Variants in ABLIM3 observed in about 807,000 individuals in gnomAD.
ABLIM3 encodes actin-binding LIM protein 3.
Under a neutral mutation model 109.5 loss-of-function variants are expected in ABLIM3, and 61 were observed. The ratio of observed to expected loss-of-function variants is 0.56; its 90% CI spans 0.45 to 0.69. The LOEUF (loss-of-function observed/expected upper bound fraction) is 0.69, where lower values mean the gene tolerates loss of function less well. ABLIM3 is among the 30% of genes least tolerant of loss of function. The probability of loss-of-function intolerance (pLI) is 0.00; values close to 1 mark genes in which losing one functional copy is unlikely to be tolerated. For missense variants in ABLIM3, 796 were observed against 889.5 expected (o/e 0.89, Z 1.34); for synonymous variants, 300 against 324.8 (o/e 0.92, Z 0.82).
intron 2 of ABLIM3, among the ~76,000 whole-genome samples, chr5:149,145,695 T>C (rs919484564): frequency 6.6e-6 from 1 of 152,238 alleles, no homozygotes; most frequent in Non-Finnish European, 1.5e-5. Context: ...CTGACTGGTG[T>C]GAGATGGTAT....
Position 149,183,455 on chromosome 5 carries a change from C to T in ABLIM3, c.17C>T (p.Pro6Leu). Residue 6 changes from proline to leucine, a missense_variant, in exon 3 of 24, where the codon CCT becomes CTT. Coordinates refer to ENST00000309868, the MANE Select transcript of ABLIM3 (RefSeq NM_014945.5). The stretch of plus-strand genomic sequence containing the variant: ...GATCTCTTTGTTTCTTTTACAGTTC[C>T]TTATCAGCAGAATCCTTACAATCCA... MNTSI[P>L]YQQNPYNPRG... is the part of the protein sequence containing the mutation. 6.4e-7 allele frequency: 1 copy of T among 1,550,984 alleles called. No individual in the cohort carries two copies.
intron 8 of ABLIM3, among the ~76,000 whole-genome samples, chr5:149,221,750 A>T (rs1760673711): frequency 6.6e-6 from 1 of 152,214 alleles, no homozygotes; most frequent in African/African-American, 2.4e-5. Flanking sequence ...ACTTATACTG[A>T]AATCCCAAAG....
At chr5:149,214,957 G>A (rs750897952) in intron 7 of ABLIM3, among the ~76,000 whole-genome samples, 36 of 152,128 alleles carry the variant, frequency 2.4e-4, no homozygotes, top group Non-Finnish European at 4.6e-4. Context: ...ATTTCAGTTC[G>A]TTAATAGACA....
intron 2 of ABLIM3, among the ~76,000 whole-genome samples, chr5:149,155,668 A>G (rs1753812604): frequency 1.3e-5 from 2 of 152,184 alleles, no homozygotes; most frequent in African/African-American, 4.8e-5. Flanking sequence ...ACACACCCTA[A>G]TGCACAATTC....
chr5:149,218,442 A>G (rs1340509870), intron 8 of ABLIM3: 1 of 152,290 alleles, frequency 6.6e-6, no homozygotes, highest in East Asian at 1.9e-4. Flanking sequence ...AAAAACATCC[A>G]GACCATAGCA....
At chr5:149,243,068 G>A (rs942045956) in intron 15 of ABLIM3, among the ~76,000 whole-genome samples, 1 of 152,210 alleles carries the variant, frequency 6.6e-6, no homozygotes, top group African/African-American at 2.4e-5. Flanking sequence ...AGATGTAGAT[G>A]AGTAAGGTTG....
At chr5:149,217,107 G>A (rs546780143) in intron 8 of ABLIM3, 61 bp downstream of exon 8, 22 of 1,460,656 alleles carry the variant, frequency 1.5e-5, no homozygotes, top group South Asian at 8.1e-5. Context: ...AAGGAGATGC[G>A]ATCTTCAGGT....
chr5:149,150,258 G>C (rs1753307765), intron 2 of ABLIM3, among the ~76,000 whole-genome samples: 1 of 152,172 alleles, frequency 6.6e-6, no homozygotes, highest in South Asian at 2.1e-4. Flanking sequence ...CCATTGCCCA[G>C]ATCAAGAAAT....
chr5:149,169,549 C>T (rs1022749418), intron 2 of ABLIM3, among the ~76,000 whole-genome samples: 1 of 152,170 alleles, frequency 6.6e-6, no homozygotes, highest in Non-Finnish European at 1.5e-5. Flanking sequence ...TCAATTTTCG[C>T]CAAACAAGAT....
Position 149,244,964 on chromosome 5 carries a change from C to G in ABLIM3, c.1435C>G (p.Pro479Ala), listed in dbSNP as rs746105319. ...GTACAGTCCCATCTACTCGCCAGAC[C>G]CCTACTATGCTTCGGAGTCTGAGTA... The part of the protein sequence containing the change: ...SKYSPIYSPD[P>A]YYASESEYWT... The change falls in exon 16 of 24, where the codon CCC (proline) becomes GCC (alanine). Residue 479 changes from proline (P) to alanine (A), a missense_variant. Transcript: ENST00000309868. The G allele has an allele frequency of 9.9e-6, 16 of 1,614,168 alleles. No individual in the cohort carries two copies. The South Asian group carries it at 1.6e-4, about 17-fold the overall frequency.
chr5:149,158,540 A>G (rs996816827), intron 2 of ABLIM3, among the ~76,000 whole-genome samples: 1 of 152,204 alleles, frequency 6.6e-6, no homozygotes, highest in African/African-American at 2.4e-5. Context: ...ACTTGACTCT[A>G]TGCAAGTTAT....
chr5:149,178,108 G>A (rs1003051771), intron 2 of ABLIM3, among the ~76,000 whole-genome samples: 2 of 152,098 alleles, frequency 1.3e-5, no homozygotes, highest in African/African-American at 2.4e-5. Flanking sequence ...AAACAGGATC[G>A]GCACCTGGGC....
At chr5:149,163,840 GT>G (rs1393980016) in intron 2 of ABLIM3, 1 of 152,140 alleles carries the variant, frequency 6.6e-6, no homozygotes, top group Non-Finnish European at 1.5e-5. Flanking sequence ...CTAATTTCAA[GT>G]CTGTGCTTAT....
At chr5:149,212,606 C>T (rs1759675952) in intron 7 of ABLIM3, among the ~76,000 whole-genome samples, 1 of 152,254 alleles carries the variant, frequency 6.6e-6, no homozygotes, top group Admixed American at 6.5e-5. Context: ...AGTAGAATTC[C>T]AATCACTCTG....
chr5:149,224,201 T>G (rs1423402133), intron 8 of ABLIM3, among the ~76,000 whole-genome samples: 1 of 152,118 alleles, frequency 6.6e-6, no homozygotes, highest in Non-Finnish European at 1.5e-5. Context: ...ATAGGAATAA[T>G]AAGAATACTT....
intron 2 of ABLIM3, among the ~76,000 whole-genome samples, chr5:149,162,126 C>G (rs1754431641): frequency 6.6e-6 from 1 of 152,200 alleles, no homozygotes; most frequent in African/African-American, 2.4e-5. Context: ...CTCTGTTTTG[C>G]TGGTTATTAA....
chr5:149,147,996 G>A (rs1174298994), intron 2 of ABLIM3, among the ~76,000 whole-genome samples: 1 of 152,134 alleles, frequency 6.6e-6, no homozygotes, highest in Non-Finnish European at 1.5e-5. Context: ...TAGCAAGCAG[G>A]TCACGCAACC....
At chr5:149,151,393 T>C (rs1045837519) in intron 2 of ABLIM3, among the ~76,000 whole-genome samples, 11 of 152,230 alleles carry the variant, frequency 7.2e-5, no homozygotes, top group African/African-American at 2.4e-4. Context: ...GCCTCAAATA[T>C]GAGTTTGTGG....
At chr5:149,208,469 A>T (rs1351672155) in intron 6 of ABLIM3, among the ~76,000 whole-genome samples, 13 of 147,576 alleles carry the variant, frequency 8.8e-5, no homozygotes, top group African/African-American at 3.3e-4. Flanking sequence ...TGCTGTCTTC[A>T]TGGTGGATTA....
Sources: gnomAD v4.1 joint callset for allele counts (sites outside exome capture counted in the v4.1 genomes callset) on GRCh38, gnomAD v4.1.1 for gene constraint, MANE v1.5 for transcripts, NCBI Gene and HGNC (gene_info 2026-07-23, HGNC 2026-07-21) for gene names.